Variants in SAMD12 observed in about 807,000 individuals in gnomAD.
The protein encoded by SAMD12 is sterile alpha motif domain containing 12.
A neutral mutation model predicts 15.0 loss-of-function variants in SAMD12; 9 were observed. The ratio of observed to expected loss-of-function variants is 0.60; its 90% CI spans 0.36 to 1.05. SAMD12 has a LOEUF of 1.05. Ranked by LOEUF, SAMD12 falls within the 50% of genes least tolerant of loss-of-function variation. The probability of loss-of-function intolerance (pLI) is 0.01; values close to 1 mark genes in which losing one functional copy is unlikely to be tolerated. For missense variants in SAMD12, 230 were observed against 234.2 expected (o/e 0.98, Z 0.12); for synonymous variants, 86 against 90.1 (o/e 0.96, Z 0.25).
At chr8:118,512,335 C>T (rs1825113007) in intron 2 of SAMD12, among the ~76,000 whole-genome samples, 1 of 152,116 alleles carries the variant, frequency 6.6e-6, no homozygotes, top group Admixed American at 6.5e-5. Flanking sequence ...TGGAGTGAGT[C>T]CTGAATTCAG....
At chr8:118,620,606 T>C (rs766587582) in intron 1 of SAMD12, among the ~76,000 whole-genome samples, 13 of 151,930 alleles carry the variant, frequency 8.6e-5, no homozygotes, top group Non-Finnish European at 8.8e-5. Context: ...GGGTGCTGAG[T>C]ATAGGAGCTG....
At chr8:118,310,737 A>G (rs1815585790) in intron 4 of SAMD12, among the ~76,000 whole-genome samples, 1 of 152,216 alleles carries the variant, frequency 6.6e-6, no homozygotes, top group African/African-American at 2.4e-5. Context: ...CTAGAATGCC[A>G]GCAAAGAACT....
At chr8:118,225,782 G>A (rs1812176281) in intron 4 of SAMD12, among the ~76,000 whole-genome samples, 1 of 152,184 alleles carries the variant, frequency 6.6e-6, no homozygotes, top group Admixed American at 6.5e-5. Context: ...GACAGGCCAA[G>A]CGCAGCGAGG....
chr8:118,267,094 T>C (rs1173177637), intron 4 of SAMD12, among the ~76,000 whole-genome samples: 2 of 152,134 alleles, frequency 1.3e-5, no homozygotes, highest in Non-Finnish European at 2.9e-5. Flanking sequence ...TACTAACATA[T>C]ACATTTTGTA....
intron 4 of SAMD12, among the ~76,000 whole-genome samples, chr8:118,268,439 T>G (rs965097473): frequency 2.6e-5 from 4 of 152,154 alleles, no homozygotes; most frequent in African/African-American, 7.2e-5. Context: ...ATCTTGTTCT[T>G]TAATTTGTTT....
At chr8:118,175,746 T>A in the SAMD12 span, among the ~76,000 whole-genome samples, 1 of 152,084 alleles carries the variant, frequency 6.6e-6, no homozygotes. Flanking sequence ...ATGCTCAATA[T>A]CACTAATCAT....
chr8:118,210,681 T>TA (rs1199028315), intron 4 of SAMD12, among the ~76,000 whole-genome samples: 1 of 152,214 alleles, frequency 6.6e-6, no homozygotes, highest in East Asian at 1.9e-4. Context: ...CACAATGCAT[T>TA]CCAGACACAG....
At chr8:118,580,135 A>G (rs760609415) in intron 2 of SAMD12, among the ~76,000 whole-genome samples, 3 of 152,160 alleles carry the variant, frequency 2.0e-5, no homozygotes, top group Admixed American at 6.6e-5. Flanking sequence ...TGTCTACCTC[A>G]CAAGATTGTT....
chr8:118,380,484 A>T (rs1819615492), intron 3 of SAMD12, among the ~76,000 whole-genome samples: 1 of 152,082 alleles, frequency 6.6e-6, no homozygotes, highest in Non-Finnish European at 1.5e-5. Context: ...TTCCCTGTAT[A>T]CTTCTCTTCC....
chr8:118,133,726 AG>A, the SAMD12 span, among the ~76,000 whole-genome samples: 1 of 151,946 alleles, frequency 6.6e-6, no homozygotes, highest in Non-Finnish European at 1.5e-5. Flanking sequence ...TTTCTATTGA[AG>A]TCTACCTTAA....
downstream of SAMD12, among the ~76,000 whole-genome samples, chr8:118,373,313 G>A (rs1329019987): frequency 1.3e-5 from 2 of 152,062 alleles, no homozygotes; most frequent in Non-Finnish European, 2.9e-5. Flanking sequence ...TGCAAAATGA[G>A]ACTGGACAAT....
At chr8:118,521,240 A>G (rs773985594) in intron 2 of SAMD12, among the ~76,000 whole-genome samples, 1 of 152,172 alleles carries the variant, frequency 6.6e-6, no homozygotes, top group Non-Finnish European at 1.5e-5. Context: ...TCTACCCAGC[A>G]CTCACTGTCT....
At chr8:118,343,243 T>A (rs1302844162) in intron 4 of SAMD12, among the ~76,000 whole-genome samples, 2 of 152,084 alleles carry the variant, frequency 1.3e-5, no homozygotes, top group African/African-American at 4.8e-5. Context: ...AAATTGGTTA[T>A]AACCAATTTT....
At chr8:118,323,945 T>C (rs1295472288) in intron 4 of SAMD12, among the ~76,000 whole-genome samples, 1 of 152,182 alleles carries the variant, frequency 6.6e-6, no homozygotes, top group Non-Finnish European at 1.5e-5. Context: ...CAGGTTTTTT[T>C]CAAGAAGATT....
chr8:118,404,222 G>A (rs1240466128), intron 3 of SAMD12, among the ~76,000 whole-genome samples: 1 of 152,042 alleles, frequency 6.6e-6, no homozygotes, highest in African/African-American at 2.4e-5. Flanking sequence ...GGGCTCAAGT[G>A]ATTATCTCAC....
intron 2 of SAMD12, among the ~76,000 whole-genome samples, chr8:118,464,344 A>G (rs540950101): frequency 6.6e-5 from 10 of 152,306 alleles, no homozygotes; most frequent in African/African-American, 2.4e-4. Flanking sequence ...GAGTGACTCT[A>G]TTTCCACTCG....
At chr8:118,525,837 T>C (rs1825522056) in intron 2 of SAMD12, among the ~76,000 whole-genome samples, 1 of 152,232 alleles carries the variant, frequency 6.6e-6, no homozygotes, top group African/African-American at 2.4e-5. Context: ...CATTTGCTTC[T>C]ATGTTTAAAG....
intron 2 of SAMD12, among the ~76,000 whole-genome samples, chr8:118,549,244 C>G (rs1162111506): frequency 6.6e-6 from 1 of 152,216 alleles, no homozygotes; most frequent in Non-Finnish European, 1.5e-5. Flanking sequence ...GTCCCTGACC[C>G]CTGACCCCCG....
chr8:118,187,298 A>C (rs1183278682), downstream of SAMD12, among the ~76,000 whole-genome samples: 1 of 152,210 alleles, frequency 6.6e-6, no homozygotes, highest in Non-Finnish European at 1.5e-5. Flanking sequence ...TCTGTGAAAA[A>C]TAAGGGAAAG....
Sources: gnomAD v4.1 joint callset for allele counts (sites outside exome capture counted in the v4.1 genomes callset) on GRCh38, gnomAD v4.1.1 for gene constraint, MANE v1.5 for transcripts, NCBI Gene and HGNC (gene_info 2026-07-23, HGNC 2026-07-21) for gene names.